The following MTTP variants were observed in gnomAD, a reference collection of about 807,000 sequenced individuals.
MTTP encodes the protein microsomal triglyceride transfer protein, also known as microsomal triglyceride transfer protein large subunit.
In MTTP, 49 loss-of-function variants were observed where a neutral mutation model predicts 90.6. The observed-to-expected ratio is 0.54, with a 90% confidence interval of 0.43 to 0.69. The LOEUF is 0.69. Among genes scored for constraint, MTTP ranks in the 30% least tolerant of loss-of-function variants. The pLI is 0.00. For synonymous variants in MTTP, 347 were observed against 384.2 expected (o/e 0.90, Z 1.13); for missense variants, 945 against 1,067.5 (o/e 0.89, Z 1.60).
intron 6 of MTTP, among the ~76,000 whole-genome samples, chr4:99,593,698 G>A (rs1235228384): frequency 6.6e-6 from 1 of 152,124 alleles, no homozygotes; most frequent in Admixed American, 6.6e-5. Context: ...CAAAATAGTA[G>A]TAAAAATGCC....
At chr4:99,618,602 G>T (rs1302696426) in intron 15 of MTTP, among the ~76,000 whole-genome samples, 1 of 152,178 alleles carries the variant, frequency 6.6e-6, no homozygotes, top group African/African-American at 2.4e-5. Context: ...AATTTAGTAG[G>T]TATGAAGGGG....
chr4:99,585,812 G>T (rs1000960813), intron 3 of MTTP, among the ~76,000 whole-genome samples: 5 of 152,032 alleles, frequency 3.3e-5, no homozygotes, highest in Admixed American at 3.3e-4. Context: ...GTAACCACAG[G>T]TTAAAGTACA....
chr4:99,581,358 C>T (rs1180524054), intron 1 of MTTP, among the ~76,000 whole-genome samples: 5 of 152,120 alleles, frequency 3.3e-5, no homozygotes, highest in East Asian at 1.9e-4. Context: ...ATATGTGCAA[C>T]GCTGAAATGT....
At chr4:99,589,775 T>C (rs1430226680) in intron 4 of MTTP, 25 bp downstream of exon 4, 1 of 1,355,408 alleles carries the variant, frequency 7.4e-7, no homozygotes. Flanking sequence ...TAATAAGGAT[T>C]CAGCATCTCA....
intron 7 of MTTP, among the ~76,000 whole-genome samples, chr4:99,595,229 A>G (rs1487208846): frequency 6.6e-6 from 1 of 152,202 alleles, no homozygotes; most frequent in Non-Finnish European, 1.5e-5. Flanking sequence ...GTTCTGTCAC[A>G]TAATAGTTAT....
intron 11 of MTTP, among the ~76,000 whole-genome samples, chr4:99,608,472 A>G (rs1725872994): frequency 6.6e-6 from 1 of 152,202 alleles, no homozygotes; most frequent in Non-Finnish European, 1.5e-5. Flanking sequence ...TTCTCAGGCT[A>G]TGCCTAATGT....
chr4:99,622,974 AG>A lies in MTTP; in HGVS notation c.*127del. 1 of 1,239,598 alleles carries A rather than the reference AG, an allele frequency of 8.1e-7. No individual in the cohort carries two copies. Among genetic ancestry groups the A allele is most frequent in the Non-Finnish European group, 1.2e-6 (1 of 852,116 alleles). The allele number at this position is 1,239,598 out of a possible 1,614,324, so 76.8% of individuals were successfully genotyped here. A position where few individuals can be genotyped will look rare whatever the true frequency, so the allele number is the denominator to read the frequency against. ...ACCTGTATTTAAGATTTTTGTAAAA[AG>A]CTACAAAAAACTGCAGTTTGATCAA... On this transcript the variant is annotated 3_prime_UTR_variant, in exon 18 of 18. Transcript: ENST00000265517.
At chr4:99,601,808 C>A in intron 10 of MTTP, 94 bp downstream of exon 10, 1 of 972,562 alleles carries the variant, frequency 1.0e-6, no homozygotes. Context: ...TCCTAATTCT[C>A]TTTACTCTAT....
At chr4:99,615,001 A>G (rs1304769367) in intron 15 of MTTP, among the ~76,000 whole-genome samples, 1 of 152,204 alleles carries the variant, frequency 6.6e-6, no homozygotes, top group East Asian at 1.9e-4. Context: ...TTCCAGTTTT[A>G]ATGAAAGAAT....
At chr4:99,583,346 T>C (rs757381630) in intron 2 of MTTP, 28 bp from the exon 3 acceptor site, 1 of 1,611,442 alleles carries the variant, frequency 6.2e-7, no homozygotes, top group African/African-American at 1.3e-5. Context: ...GGAAGTTTTT[T>C]TTAACAGCTT....
chr4:99,586,666 G>T (rs1472234976), intron 3 of MTTP, among the ~76,000 whole-genome samples: 1 of 152,018 alleles, frequency 6.6e-6, no homozygotes, highest in African/African-American at 2.4e-5. Flanking sequence ...ACTAATCTTT[G>T]TTTGCTGGGA....
At chr4:99,573,220 C>G (rs1024865598), upstream of MTTP, among the ~76,000 whole-genome samples, 3 of 152,086 alleles carry the variant, frequency 2.0e-5, no homozygotes, top group African/African-American at 7.2e-5. Context: ...ACAATACAAA[C>G]TAGCTTTTAA....
chr4:99,587,894 T>C (rs1481706729), intron 3 of MTTP, among the ~76,000 whole-genome samples: 2 of 152,146 alleles, frequency 1.3e-5, no homozygotes, highest in African/African-American at 4.8e-5. Flanking sequence ...AACTCAGGCT[T>C]GGGTCTGAGA....
chr4:99,583,780 G>A, intron 3 of MTTP: 1 of 565,070 alleles, frequency 1.8e-6, no homozygotes. Context: ...TTGATGAAAG[G>A]CATTATTAAA....
intron 1 of MTTP, among the ~76,000 whole-genome samples, chr4:99,566,295 A>AG: frequency 1.3e-5 from 1 of 74,348 alleles, no homozygotes; most frequent in East Asian, 3.8e-4. Flanking sequence ...TCTCAAAAAA[A>AG]AGAAAAAAAA....
intron 15 of MTTP, among the ~76,000 whole-genome samples, 161 bp from the exon 16 acceptor site, chr4:99,618,813 A>G (rs745952647): frequency 1.2e-4 from 18 of 152,224 alleles, no homozygotes; most frequent in Non-Finnish European, 2.5e-4. Flanking sequence ...TCCGGTGCTT[A>G]AAATTAGGAC....
intron 12 of MTTP, among the ~76,000 whole-genome samples, chr4:99,609,344 T>A (rs1396812304): frequency 6.6e-6 from 1 of 152,216 alleles, no homozygotes; most frequent in Non-Finnish European, 1.5e-5. Flanking sequence ...TTTCAAGTGT[T>A]AGGAATTTTT....
intron 15 of MTTP, among the ~76,000 whole-genome samples, chr4:99,617,121 G>C (rs1215171624): frequency 6.6e-6 from 1 of 152,186 alleles, no homozygotes; most frequent in Non-Finnish European, 1.5e-5. Flanking sequence ...TAGTTCACAG[G>C]CATAGGTGAA....
rs1725996011 is a variant in MTTP at position 99,612,934 on chromosome 4, C to A, written c.2011C>A (p.Leu671Met). Residue 671 changes from leucine to methionine, a missense_variant, in exon 15 of 18, where the codon CTG (leucine) becomes ATG (methionine). By Grantham distance (15) the Leu-to-Met change is conservative. Transcript: ENST00000265517. ...CCAGGTGGTTATTGAAGCCCAAGGA[C>A]TGGAAGCCTTAATCGCAGCCACCCC... is the stretch of plus-strand genomic sequence containing the variant. ...GSQVVIEAQG[L>M]EALIAATPDE... 2 of 1,614,018 alleles carry A rather than the reference C, an allele frequency of 1.2e-6. No homozygotes were observed. The highest frequency in any genetic ancestry group is 3.3e-5 in the Admixed American group (2 of 60,018).
Sources: gnomAD v4.1 joint callset for allele counts (sites outside exome capture counted in the v4.1 genomes callset) on GRCh38, gnomAD v4.1.1 for gene constraint, MANE v1.5 for transcripts, NCBI Gene and HGNC (gene_info 2026-07-23, HGNC 2026-07-21) for gene names.